Variants in CA10 observed in about 807,000 individuals in gnomAD.
The protein encoded by CA10 is carbonic anhydrase-related protein 10.
CA10 carries 14 observed loss-of-function variants against 44.2 expected under a neutral mutation model. That is an observed-to-expected ratio of 0.32 (90% confidence interval 0.21 to 0.50). The LOEUF is 0.50. Among genes scored for constraint, CA10 ranks in the 20% least tolerant of loss-of-function variants. The pLI is 0.99. For synonymous variants in CA10, 159 were observed against 141.6 expected, an observed-to-expected ratio of 1.12 and a Z score of -0.87; for missense variants, 350 against 409.7, an observed-to-expected ratio of 0.85 and a Z score of 1.26.
intron 1 of CA10, among the ~76,000 whole-genome samples, chr17:52,130,593 A>G (rs1201349846): frequency 6.6e-6 from 1 of 152,232 alleles, no homozygotes; most frequent in Non-Finnish European, 1.5e-5. Context: ...GGAACGTAAT[A>G]AAGTTGAACT....
intron 3 of CA10, among the ~76,000 whole-genome samples, chr17:51,824,434 A>C (rs771042117): frequency 6.6e-6 from 1 of 152,260 alleles, no homozygotes; most frequent in Non-Finnish European, 1.5e-5. Context: ...ATCAAAATAA[A>C]TAACATTGTA....
At chr17:51,824,786 C>T (rs79146242) in intron 3 of CA10, among the ~76,000 whole-genome samples, 9,468 of 152,242 alleles carry the variant, frequency 0.062, 839 homozygotes, top group African/African-American at 0.2. Context: ...AATATGTGCA[C>T]GTTTGTGTGT....
intron 2 of CA10, among the ~76,000 whole-genome samples, chr17:52,021,929 A>T (rs1986154360): frequency 6.6e-6 from 1 of 152,092 alleles, no homozygotes; most frequent in Non-Finnish European, 1.5e-5. Flanking sequence ...TACCAACCAA[A>T]AAAGGCCCAG....
At chr17:51,834,025 T>G (rs537293777) in intron 3 of CA10, among the ~76,000 whole-genome samples, 2 of 152,226 alleles carry the variant, frequency 1.3e-5, no homozygotes, top group Non-Finnish European at 2.9e-5. Flanking sequence ...AACTTTCTTT[T>G]CCTATTTACA....
chr17:52,032,964 G>A (rs1317118320), intron 2 of CA10, among the ~76,000 whole-genome samples: 2 of 152,074 alleles, frequency 1.3e-5, no homozygotes, highest in African/African-American at 2.4e-5. Flanking sequence ...AAACACAAAG[G>A]AGAACCCTAA....
chr17:52,007,711 T>C (rs112394548), intron 2 of CA10, among the ~76,000 whole-genome samples: 1,643 of 151,566 alleles, frequency 0.011, 48 homozygotes, highest in African/African-American at 0.037. Context: ...CCTCTTCTGT[T>C]TTTATCTCCT....
intron 4 of CA10, among the ~76,000 whole-genome samples, chr17:51,669,616 C>T (rs1416002306): frequency 6.6e-6 from 1 of 152,142 alleles, no homozygotes; most frequent in Non-Finnish European, 1.5e-5. Context: ...ACTCCTGAAG[C>T]CAGCGAGACC....
chr17:51,875,517 C>A (rs1320024953), intron 3 of CA10, among the ~76,000 whole-genome samples: 1 of 152,176 alleles, frequency 6.6e-6, no homozygotes, highest in Non-Finnish European at 1.5e-5. Flanking sequence ...CAGCTTTATG[C>A]AATGGGGAAG....
intron 4 of CA10, among the ~76,000 whole-genome samples, chr17:51,671,781 C>T (rs56337422): frequency 0.016 from 2,481 of 152,280 alleles, 53 homozygotes; most frequent in South Asian, 0.04. Flanking sequence ...GTTAGTGGAA[C>T]GCCCCTCCTA....
At chr17:51,663,623 T>G (rs1216094140) in intron 4 of CA10, among the ~76,000 whole-genome samples, 2 of 152,176 alleles carry the variant, frequency 1.3e-5, no homozygotes, top group Non-Finnish European at 2.9e-5. Context: ...AACCAAAACA[T>G]GTAAATGAGC....
intron 3 of CA10, among the ~76,000 whole-genome samples, chr17:51,862,114 TA>T (rs2143842854): frequency 6.6e-6 from 1 of 152,206 alleles, no homozygotes; most frequent in Non-Finnish European, 1.5e-5. Context: ...TTCTCACAGA[TA>T]AAGTCAAGAC....
intron 5 of CA10, among the ~76,000 whole-genome samples, chr17:51,651,659 AAC>A (rs1168615277): frequency 1.3e-5 from 2 of 152,210 alleles, no homozygotes; most frequent in African/African-American, 4.8e-5. Flanking sequence ...GAGCTTGTGA[AAC>A]ACACCAGTAA....
At chr17:51,727,497 G>A (rs1400046089) in intron 4 of CA10, among the ~76,000 whole-genome samples, 1 of 152,072 alleles carries the variant, frequency 6.6e-6, no homozygotes, top group Non-Finnish European at 1.5e-5. Flanking sequence ...GTGATGCCCA[G>A]AAATGCCTTG....
chr17:52,110,315 A>G (rs972994417), intron 1 of CA10, among the ~76,000 whole-genome samples: 1 of 152,230 alleles, frequency 6.6e-6, no homozygotes, highest in African/African-American at 2.4e-5. Flanking sequence ...CTCAGACAGC[A>G]GGATAAAATG....
At chr17:51,642,863 G>C (rs1395977832) in intron 6 of CA10, among the ~76,000 whole-genome samples, 1 of 152,064 alleles carries the variant, frequency 6.6e-6, no homozygotes, top group Non-Finnish European at 1.5e-5. Flanking sequence ...GGCTCGTCTT[G>C]AACTCCTGAC....
intron 3 of CA10, among the ~76,000 whole-genome samples, chr17:51,923,547 T>C (rs962393468): frequency 2.0e-5 from 3 of 152,208 alleles, no homozygotes; most frequent in African/African-American, 7.2e-5. Flanking sequence ...AAATATATCG[T>C]AAATTTTTTG....
intron 2 of CA10, among the ~76,000 whole-genome samples, chr17:51,962,327 C>A (rs537614434): frequency 1.3e-5 from 2 of 152,200 alleles, no homozygotes; most frequent in African/African-American, 4.8e-5. Flanking sequence ...GGCTTGGTGG[C>A]CCTTCACTCA....
At chr17:52,010,541 T>C (rs1598164626) in intron 2 of CA10, among the ~76,000 whole-genome samples, 2 of 151,986 alleles carry the variant, frequency 1.3e-5, no homozygotes, top group South Asian at 4.2e-4. Context: ...CCAAACATAG[T>C]ATGTTCTCAC....
chr17:51,989,308 C>CCTT (rs1755477986), intron 2 of CA10, among the ~76,000 whole-genome samples: 1 of 151,926 alleles, frequency 6.6e-6, no homozygotes, highest in South Asian at 2.1e-4. Context: ...GATTCCTTTC[C>CCTT]CTTCTCCCAT....
Sources: gnomAD v4.1 joint callset for allele counts (sites outside exome capture counted in the v4.1 genomes callset) on GRCh38, gnomAD v4.1.1 for gene constraint, MANE v1.5 for transcripts, NCBI Gene and HGNC (gene_info 2026-07-23, HGNC 2026-07-21) for gene names.